The following PIK3C2G variants were observed in gnomAD, a reference collection of about 807,000 sequenced individuals.
The protein encoded by PIK3C2G is phosphatidylinositol-4-phosphate 3-kinase catalytic subunit type 2 gamma, also known as phosphatidylinositol 3-kinase C2 domain-containing subunit gamma.
In PIK3C2G, 168 loss-of-function variants were observed where a neutral mutation model predicts 181.1. That is an observed-to-expected ratio of 0.93 (90% confidence interval 0.82 to 1.05). The LOEUF is 1.05. Ranked by LOEUF, PIK3C2G falls within the 50% of genes least tolerant of loss-of-function variation. The pLI is 0.00. For missense variants in PIK3C2G, 1,869 were observed against 1,732.8 expected (o/e 1.08, Z -1.40); for synonymous variants, 573 against 592.2 (o/e 0.97, Z 0.47).
At chr12:18,471,569 G>C (rs1034736457) in intron 18 of PIK3C2G, among the ~76,000 whole-genome samples, 2 of 152,034 alleles carry the variant, frequency 1.3e-5, no homozygotes, top group Non-Finnish European at 2.9e-5. Context: ...CTTATCTCTG[G>C]AAACTTCCTT....
At chr12:18,276,526 A>G (rs1948993572) in intron 1 of PIK3C2G, among the ~76,000 whole-genome samples, 1 of 152,224 alleles carries the variant, frequency 6.6e-6, no homozygotes, top group South Asian at 2.1e-4. Context: ...TACCCAATAT[A>G]TAAACCTCAA....
the PIK3C2G span, among the ~76,000 whole-genome samples, chr12:18,698,630 AT>A: frequency 6.6e-6 from 1 of 151,804 alleles, no homozygotes; most frequent in South Asian, 2.1e-4. Flanking sequence ...GGTAGATTGC[AT>A]TTTTTTAACT....
At chr12:18,265,685 T>C (rs1948453475) in intron 1 of PIK3C2G, among the ~76,000 whole-genome samples, 1 of 152,018 alleles carries the variant, frequency 6.6e-6, no homozygotes, top group Non-Finnish European at 1.5e-5. Context: ...TACTTTTAAC[T>C]TTGCTTTAAT....
upstream of PIK3C2G, among the ~76,000 whole-genome samples, chr12:18,259,347 G>C (rs750984537): frequency 6.6e-6 from 1 of 152,088 alleles, no homozygotes; most frequent in Non-Finnish European, 1.5e-5. Flanking sequence ...GCCAGCTTCG[G>C]GGTCTGGGTC....
chr12:18,655,979 A>T, the PIK3C2G span, among the ~76,000 whole-genome samples: 1 of 152,196 alleles, frequency 6.6e-6, no homozygotes, highest in Non-Finnish European at 1.5e-5. Context: ...AAAAGTAAGT[A>T]AATTTTAATT....
chr12:18,370,010 T>C (rs1941932277), intron 12 of PIK3C2G, among the ~76,000 whole-genome samples: 1 of 145,534 alleles, frequency 6.9e-6, no homozygotes, highest in Non-Finnish European at 1.5e-5. Flanking sequence ...CATATGATCA[T>C]ATAACGATCG....
intron 20 of PIK3C2G, among the ~76,000 whole-genome samples, 176 bp from the exon 21 acceptor site, chr12:18,495,886 T>G (rs1940964283): frequency 6.6e-6 from 1 of 152,110 alleles, no homozygotes; most frequent in Non-Finnish European, 1.5e-5. Context: ...ATGGACTAAA[T>G]TTTTTAAAAT....
chr12:18,310,513 G>A (rs1950593990), intron 5 of PIK3C2G, among the ~76,000 whole-genome samples: 1 of 151,800 alleles, frequency 6.6e-6, no homozygotes, highest in South Asian at 2.1e-4. Context: ...ATCTCTACTT[G>A]AGCAGTTGTA....
At position 18,440,129 on chromosome 12, in the gene PIK3C2G, G is replaced by A. The variant is rs1324484108; in HGVS notation, c.2504+16090G>A. On this transcript the variant is annotated intron_variant, in intron 18 of 32. Transcript: ENST00000538779. The stretch of plus-strand genomic sequence containing the variant: ...GAATAATAATATTTACTTTCAGAAG[G>A]TTATAGTAAGAACTAATGCAGTATG... Among the ~76,000 whole-genome samples the A allele has an allele frequency of 3.3e-5, 5 of 151,978 alleles. 1 individual carries two copies. The South Asian group carries it at 6.2e-4, about 19-fold the overall frequency.
Position 18,570,850 on chromosome 12 carries a change from C to T in PIK3C2G, c.4011+3793C>T, listed in dbSNP as rs114167595. Among the ~76,000 whole-genome samples the T allele has an allele frequency of 6.1e-3, 915 of 150,748 alleles. 86 individuals carry two copies. The highest frequency in any genetic ancestry group is 0.022 in the African/African-American group (876 of 40,296). ...GATCTGGATCGACCACATCAAGGAG[C>T]TCGAAGGCAGAGAACCGAAAACTGT... On this transcript the variant is annotated intron_variant, in intron 29 of 32. Transcript: ENST00000538779.
At chr12:18,349,927 G>A (rs1345978059) in intron 11 of PIK3C2G, among the ~76,000 whole-genome samples, 3 of 152,152 alleles carry the variant, frequency 2.0e-5, no homozygotes, top group African/African-American at 7.2e-5. Flanking sequence ...CCCTTGAATA[G>A]AGAAATGTGT....
At chr12:18,430,750 G>A (rs1946109199) in intron 18 of PIK3C2G, among the ~76,000 whole-genome samples, 1 of 152,146 alleles carries the variant, frequency 6.6e-6, no homozygotes, top group East Asian at 1.9e-4. Context: ...GGGAGAATGT[G>A]AGCAGAAGTC....
At chr12:18,586,210 T>A (rs1946767756) in intron 29 of PIK3C2G, among the ~76,000 whole-genome samples, 2 of 150,808 alleles carry the variant, frequency 1.3e-5, no homozygotes, top group Non-Finnish European at 1.5e-5. Context: ...CCAAGCAATA[T>A]GAAATAACCA....
rs575568768 is a variant in PIK3C2G at position 18,612,449 on chromosome 12, A to G, written c.4182+2820A>G. The stretch of plus-strand genomic sequence containing the variant: ...GAATAGGGCCAAGTATATAGTAGGT[A>G]CTCAGTAAAGCCTTGGTTAAATAAA... On this transcript the variant is annotated intron_variant, in intron 31 of 32. Transcript: ENST00000538779. Among the ~76,000 whole-genome samples the G allele has an allele frequency of 3.8e-4, 58 of 152,186 alleles. 1 individual carries two copies. The highest frequency in any genetic ancestry group is 1.4e-3 in the African/African-American group (57 of 41,534).
chr12:18,717,302 C>T, the PIK3C2G span, among the ~76,000 whole-genome samples: 25 of 151,992 alleles, frequency 1.6e-4, no homozygotes, highest in East Asian at 1.5e-3. Context: ...ATAAATTGGG[C>T]TGTCTTTACA....
intron 18 of PIK3C2G, among the ~76,000 whole-genome samples, chr12:18,461,089 T>G (rs1442457167): frequency 6.6e-6 from 1 of 152,154 alleles, no homozygotes; most frequent in Non-Finnish European, 1.5e-5. Context: ...TGTATGTATA[T>G]AATCTGCGTG....
intron 21 of PIK3C2G, among the ~76,000 whole-genome samples, chr12:18,497,075 T>C (rs1006881497): frequency 6.6e-6 from 1 of 152,192 alleles, no homozygotes; most frequent in Non-Finnish European, 1.5e-5. Context: ...TTTCTTATTA[T>C]CAAAAATCAT....
At chr12:18,435,851 T>C (rs1946415395) in intron 18 of PIK3C2G, among the ~76,000 whole-genome samples, 1 of 151,842 alleles carries the variant, frequency 6.6e-6, no homozygotes, top group East Asian at 1.9e-4. Context: ...TGACCTTGGC[T>C]CCCTTGTACA....
At chr12:18,358,033 A>T (rs1205752687) in intron 11 of PIK3C2G, among the ~76,000 whole-genome samples, 1 of 152,226 alleles carries the variant, frequency 6.6e-6, no homozygotes, top group Non-Finnish European at 1.5e-5. Context: ...CATCATGGCT[A>T]CTGTGAACAA....
Sources: allele counts gnomAD v4.1 joint callset (sites outside exome capture counted in the v4.1 genomes callset), GRCh38; gene constraint gnomAD v4.1.1; transcripts MANE v1.5; gene names NCBI Gene and HGNC (gene_info 2026-07-23, HGNC 2026-07-21).